Variants in RAPGEF2 observed in about 807,000 individuals in gnomAD.
RAPGEF2 encodes the protein Rap guanine nucleotide exchange factor 2.
In RAPGEF2, 54 loss-of-function variants were observed where a neutral mutation model predicts 186.7. The ratio of observed to expected loss-of-function variants is 0.29; its 90% CI spans 0.23 to 0.36. The LOEUF is 0.36. Ranked by LOEUF, RAPGEF2 falls within the 10% of genes least tolerant of loss-of-function variation. The pLI, the probability that RAPGEF2 is intolerant of heterozygous loss-of-function variation, is 1.00. For missense variants in RAPGEF2, 1,532 were observed against 2,045.0 expected (o/e 0.75, Z 4.84); for synonymous variants, 712 against 705.9 (o/e 1.01, Z -0.14).
Position 159,331,851 on chromosome 4 carries a change from T to G in RAPGEF2, c.1779+18T>G. On this transcript the variant is annotated intron_variant, in intron 15 of 29. Transcript: ENST00000691494. ...GGGATCAGGTATGCCATTTCTAAACTCATTTAAGGGTGAATTTTGGTGTCT... is the reference window on the plus strand; with the variant it reads ...GGGATCAGGTATGCCATTTCTAAACGCATTTAAGGGTGAATTTTGGTGTCT... The G allele has an allele frequency of 6.2e-7, 1 of 1,612,672 alleles. No individual in the cohort carries two copies. Among genetic ancestry groups the G allele is most frequent in the Non-Finnish European group, 8.5e-7 (1 of 1,179,526 alleles).
At position 159,358,283 on chromosome 4, in the gene RAPGEF2, T is replaced by G. The variant is rs1732336848; in HGVS notation, c.*144T>G. ...CCTGCCTTAAAAGCAGCATGGGGCT[T>G]CTTCTCCCCTTCTTCCTTTCCCCTT... On this transcript the variant is annotated 3_prime_UTR_variant, in exon 30 of 30. Coordinates refer to ENST00000691494, the MANE Select transcript of RAPGEF2 (RefSeq NM_001394067.2). The G allele has an allele frequency of 1.0e-5, 7 of 695,004 alleles. No individual in the cohort carries two copies. Among genetic ancestry groups the G allele is most frequent in the East Asian group, 2.8e-5 (1 of 35,972 alleles). The allele number at this position is 695,004 out of a possible 1,614,324, so 43.1% of individuals were successfully genotyped here.
At chr4:159,107,056 T>C (rs775630692) in intron 1 of RAPGEF2, among the ~76,000 whole-genome samples, 1 of 152,212 alleles carries the variant, frequency 6.6e-6, no homozygotes, top group Non-Finnish European at 1.5e-5. Flanking sequence ...TCACCTGATA[T>C]TGTGAGAGGA....
intron 9 of RAPGEF2, among the ~76,000 whole-genome samples, chr4:159,317,249 T>C (rs1471023678): frequency 1.3e-5 from 2 of 152,208 alleles, no homozygotes; most frequent in African/African-American, 2.4e-5. Flanking sequence ...TGCTAACTCT[T>C]TATAGATGAA....
chr4:159,120,211 G>T (rs766838965), intron 1 of RAPGEF2, among the ~76,000 whole-genome samples: 1 of 152,060 alleles, frequency 6.6e-6, no homozygotes, highest in Non-Finnish European at 1.5e-5. Flanking sequence ...GTAGAGACAG[G>T]GTTTCGCCAT....
intron 1 of RAPGEF2, among the ~76,000 whole-genome samples, chr4:159,109,562 T>G (rs2111056543): frequency 6.6e-6 from 1 of 152,352 alleles, no homozygotes; most frequent in Admixed American, 6.5e-5. Flanking sequence ...TTTTATACAA[T>G]TTCTATTATT....
intron 1 of RAPGEF2, among the ~76,000 whole-genome samples, chr4:159,166,395 T>G (rs1002642295): frequency 1.3e-5 from 2 of 152,192 alleles, no homozygotes; most frequent in African/African-American, 4.8e-5. Context: ...AGACTGGGTG[T>G]GGCAGAGGCC....
chr4:159,229,549 A>T (rs1752398898), intron 4 of RAPGEF2: 1 of 152,212 alleles, frequency 6.6e-6, no homozygotes, highest in African/African-American at 2.4e-5. Context: ...TCACATTCCC[A>T]AACTTTCATG....
At chr4:159,165,123 T>A (rs751831164) in intron 1 of RAPGEF2, among the ~76,000 whole-genome samples, 1 of 152,192 alleles carries the variant, frequency 6.6e-6, no homozygotes, top group South Asian at 2.1e-4. Context: ...TAATATGACA[T>A]CAGTTGAATA....
At chr4:159,247,755 CTTTTTTTTTTTT>C (rs56053207) in intron 7 of RAPGEF2, among the ~76,000 whole-genome samples, 5 of 83,474 alleles carry the variant, frequency 6.0e-5, no homozygotes, top group Admixed American at 4.5e-4. Flanking sequence ...TAATTTGTTT[CTTTTTTTTTTTT>C]TTTTTTTTTT....
chr4:159,183,880 A>G (rs984043586), intron 1 of RAPGEF2, among the ~76,000 whole-genome samples: 1 of 151,984 alleles, frequency 6.6e-6, no homozygotes, highest in Non-Finnish European at 1.5e-5. Context: ...TCCTAATGCT[A>G]TCCCTCCCCC....
intron 3 of RAPGEF2, among the ~76,000 whole-genome samples, chr4:159,207,371 T>G (rs1292967546): frequency 6.6e-6 from 1 of 152,240 alleles, no homozygotes; most frequent in African/African-American, 2.4e-5. Context: ...CAAGTGTGTT[T>G]TATTATCAGT....
rs1469656043 is a variant in RAPGEF2 at position 159,359,491 on chromosome 4, G to C, written c.*1352G>C. On this transcript the variant is annotated 3_prime_UTR_variant, in exon 30 of 30. Coordinates refer to ENST00000691494, the MANE Select transcript of RAPGEF2 (RefSeq NM_001394067.2). ...AATGACCCCTCCACTCTATTTTTGTGTTGTTTTGCACAGACTCCGGAAAAG... is the reference window on the plus strand; with the variant it reads ...AATGACCCCTCCACTCTATTTTTGTCTTGTTTTGCACAGACTCCGGAAAAG... 3.3e-5 allele frequency: 5 copies of C among 152,148 alleles called. No homozygotes were observed. Among genetic ancestry groups the C allele is most frequent in the Admixed American group, 3.3e-4 (5 of 15,272 alleles). The allele number at this position is 152,148 out of a possible 1,614,324, so 9.4% of individuals were successfully genotyped here. A position where few individuals can be genotyped will look rare whatever the true frequency, so the allele number is the denominator to read the frequency against.
chr4:159,157,352 GA>G (rs1351666033), intron 1 of RAPGEF2, among the ~76,000 whole-genome samples: 1 of 152,006 alleles, frequency 6.6e-6, no homozygotes, highest in Non-Finnish European at 1.5e-5. Context: ...TGAAAAAAAA[GA>G]AAAAAAGCCA....
At chr4:159,227,048 G>A (rs1180408710) in intron 4 of RAPGEF2, among the ~76,000 whole-genome samples, 1 of 152,178 alleles carries the variant, frequency 6.6e-6, no homozygotes, top group African/African-American at 2.4e-5. Flanking sequence ...TTGAGGTTCA[G>A]TCTTACAAAG....
intron 11 of RAPGEF2, among the ~76,000 whole-genome samples, chr4:159,325,607 T>G (rs1231452371): frequency 2.0e-5 from 3 of 151,924 alleles, no homozygotes; most frequent in Admixed American, 6.6e-5. Context: ...TTGTTTGTTT[T>G]TTTTTGAGAA....
chr4:159,355,056 TAATA>T (rs1273387319), intron 28 of RAPGEF2, among the ~76,000 whole-genome samples: 1 of 152,238 alleles, frequency 6.6e-6, no homozygotes, highest in Non-Finnish European at 1.5e-5. Flanking sequence ...AGAAAACAGT[TAATA>T]AATATTCTTA....
chr4:159,198,362 C>A (rs1246675570), intron 3 of RAPGEF2, among the ~76,000 whole-genome samples: 1 of 131,776 alleles, frequency 7.6e-6, no homozygotes, highest in Non-Finnish European at 1.6e-5. Context: ...TTCCTTCCTT[C>A]CTTTTTTTCT....
intron 24 of RAPGEF2, among the ~76,000 whole-genome samples, chr4:159,345,616 G>T (rs956958591): frequency 6.6e-6 from 1 of 152,148 alleles, no homozygotes; most frequent in African/African-American, 2.4e-5. Flanking sequence ...TGCAACAGAC[G>T]CATATATAGA....
chr4:159,110,087 A>G (rs1240662860), intron 1 of RAPGEF2, among the ~76,000 whole-genome samples: 2 of 152,230 alleles, frequency 1.3e-5, no homozygotes, highest in African/African-American at 4.8e-5. Flanking sequence ...TCATTATAGT[A>G]AAACTGTGTT....
Sources: allele counts gnomAD v4.1 joint callset (sites outside exome capture counted in the v4.1 genomes callset), GRCh38; gene constraint gnomAD v4.1.1; transcripts MANE v1.5; gene names NCBI Gene and HGNC (gene_info 2026-07-23, HGNC 2026-07-21).